The following VRK2 variants were observed in gnomAD, a reference collection of about 807,000 sequenced individuals.
VRK2 encodes the protein serine/threonine-protein kinase VRK2.
In VRK2, 60 loss-of-function variants were observed where a neutral mutation model predicts 57.6. The observed-to-expected ratio is 1.04, with a 90% CI of 0.85 to 1.29. The LOEUF (loss-of-function observed/expected upper bound fraction) is 1.29. VRK2 is among the 50% of genes most tolerant of loss of function. The pLI, the probability that VRK2 is intolerant of heterozygous loss-of-function variation, is 0.00. For synonymous variants in VRK2, 231 were observed against 199.2 expected (o/e 1.16, Z -1.35); for missense variants, 705 against 588.1 (o/e 1.20, Z -2.06).
At chr2:58,026,058 G>A (rs1379836748) in intron 2 of VRK2, among the ~76,000 whole-genome samples, 2 of 151,954 alleles carry the variant, frequency 1.3e-5, no homozygotes, top group Non-Finnish European at 2.9e-5. Context: ...CTCTACTGGG[G>A]GATTTTAATA....
chr2:58,088,604 A>C (rs546617551), intron 6 of VRK2, among the ~76,000 whole-genome samples, 158 bp downstream of exon 6: 16 of 152,194 alleles, frequency 1.1e-4, no homozygotes, highest in Non-Finnish European at 2.1e-4. Context: ...ATTGATAACA[A>C]TGGGCTCTGT....
At chr2:58,159,150 T>G in intron 12 of VRK2, 199 bp from the exon 13 acceptor site, 2 of 437,488 alleles carry the variant, frequency 4.6e-6, no homozygotes, top group Non-Finnish European at 8.1e-6. Context: ...ATATCCAGAT[T>G]TGCTTGTTGG....
At chr2:58,023,472 A>G (rs72810307) in intron 1 of VRK2, among the ~76,000 whole-genome samples, 13,826 of 152,186 alleles carry the variant, frequency 0.091, 685 homozygotes, top group East Asian at 0.11. Flanking sequence ...TGTTGCTATG[A>G]ACATCCGTAT....
intron 1 of VRK2, among the ~76,000 whole-genome samples, chr2:57,972,460 G>C (rs1419958026): frequency 6.6e-6 from 1 of 151,730 alleles, no homozygotes; most frequent in Non-Finnish European, 1.5e-5. Flanking sequence ...TAGATTACCA[G>C]AAACAGTTTA....
intron 1 of VRK2, among the ~76,000 whole-genome samples, chr2:57,997,470 A>C (rs1327362013): frequency 6.6e-6 from 1 of 152,206 alleles, no homozygotes; most frequent in Non-Finnish European, 1.5e-5. Context: ...TAAGTTACAA[A>C]GTTAAAGTTA....
At chr2:57,981,025 T>C (rs1185960209) in intron 1 of VRK2, among the ~76,000 whole-genome samples, 3 of 152,192 alleles carry the variant, frequency 2.0e-5, no homozygotes, top group African/African-American at 7.2e-5. Flanking sequence ...TTAGCCCACT[T>C]ACATTCAAAG....
chr2:57,909,824 G>A (rs1266990913), intron 1 of VRK2, among the ~76,000 whole-genome samples: 1 of 152,076 alleles, frequency 6.6e-6, no homozygotes, highest in African/African-American at 2.4e-5. Context: ...CATACTTTCT[G>A]AAAGCGTTAA....
intron 7 of VRK2, among the ~76,000 whole-genome samples, chr2:58,119,416 G>T (rs1370606505): frequency 3.4e-5 from 5 of 148,074 alleles, no homozygotes; most frequent in Admixed American, 2.7e-4. Context: ...GGCGGAGGTT[G>T]CAGTGAGCCG....
chr2:58,097,959 G>A (rs900338021), intron 7 of VRK2, among the ~76,000 whole-genome samples: 3 of 152,022 alleles, frequency 2.0e-5, no homozygotes, highest in Admixed American at 6.6e-5. Flanking sequence ...CCAGAAGATT[G>A]TTTGTTATCA....
In VRK2 at chr2:58,109,393, T is replaced by C. The variant is rs560451088; in HGVS notation, c.544-13708T>C. Among the ~76,000 whole-genome samples the C allele has an allele frequency of 3.4e-4, 52 of 151,830 alleles. No homozygotes were observed. In the East Asian group the frequency reaches 9.3e-3, roughly 27 times the overall value. ...GGTGAAAACCCAGTAAATTGCCTTG[T>C]GCTTAAAAGGATCTGTAGTAGTCCA... On this transcript the variant is annotated intron_variant, in intron 7 of 12. Transcript: ENST00000340157.
intron 1 of VRK2, among the ~76,000 whole-genome samples, chr2:57,911,002 G>A (rs1412818842): frequency 6.6e-6 from 1 of 151,760 alleles, no homozygotes; most frequent in African/African-American, 2.4e-5. Flanking sequence ...TTAAGATTGG[G>A]TCAGACAGAC....
intron 1 of VRK2, among the ~76,000 whole-genome samples, chr2:57,953,275 T>C (rs760805047): frequency 6.6e-6 from 1 of 152,230 alleles, no homozygotes; most frequent in African/African-American, 2.4e-5. Flanking sequence ...TACTTTTGTC[T>C]TGATTGTAAT....
intron 1 of VRK2, among the ~76,000 whole-genome samples, chr2:57,974,479 A>G (rs1029831285): frequency 4.0e-5 from 6 of 151,866 alleles, no homozygotes; most frequent in Admixed American, 3.3e-4. Context: ...CAGACAGGCC[A>G]TATTCTCTTA....
intron 1 of VRK2, among the ~76,000 whole-genome samples, chr2:57,931,246 T>A (rs1408814360): frequency 6.6e-6 from 1 of 152,132 alleles, no homozygotes; most frequent in Non-Finnish European, 1.5e-5. Context: ...CCAATTTACA[T>A]TCCCACCAAA....
intron 2 of VRK2, among the ~76,000 whole-genome samples, chr2:58,082,217 A>G (rs571262569): frequency 6.6e-6 from 1 of 151,952 alleles, no homozygotes; most frequent in Non-Finnish European, 1.5e-5. Context: ...ATTATAAAGT[A>G]TTAGGGATAT....
chr2:58,140,286 T>A (rs927143155), intron 11 of VRK2, among the ~76,000 whole-genome samples: 2 of 151,938 alleles, frequency 1.3e-5, no homozygotes, highest in African/African-American at 4.8e-5. Flanking sequence ...AATAAAAGAG[T>A]TTATGCCAGA....
At chr2:58,022,835 A>G (rs1292338750) in intron 1 of VRK2, among the ~76,000 whole-genome samples, 1 of 152,182 alleles carries the variant, frequency 6.6e-6, no homozygotes, top group Non-Finnish European at 1.5e-5. Flanking sequence ...AGATCACACC[A>G]CTGCACTTCT....
chr2:58,062,999 CCT>C (rs2103911086), intron 2 of VRK2, among the ~76,000 whole-genome samples: 1 of 152,126 alleles, frequency 6.6e-6, no homozygotes, highest in African/African-American at 2.4e-5. Flanking sequence ...GGACAGGATG[CCT>C]CTCTTCTTAT....
intron 2 of VRK2, among the ~76,000 whole-genome samples, chr2:58,081,619 G>A (rs1670878257): frequency 6.6e-6 from 1 of 151,730 alleles, no homozygotes; most frequent in South Asian, 2.1e-4. Flanking sequence ...TTAACAAACT[G>A]TAAGGTTAAT....
Sources: allele counts gnomAD v4.1 joint callset (sites outside exome capture counted in the v4.1 genomes callset), GRCh38; gene constraint gnomAD v4.1.1; transcripts MANE v1.5; gene names NCBI Gene and HGNC (gene_info 2026-07-23, HGNC 2026-07-21).